DOCK4: variants seen among roughly 807,000 people sequenced by gnomAD.
DOCK4 encodes the protein dedicator of cytokinesis protein 4.
DOCK4 carries 97 observed loss-of-function variants against 268.1 expected under a neutral mutation model. That is an observed-to-expected ratio of 0.36 (90% confidence interval 0.31 to 0.43). The LOEUF (loss-of-function observed/expected upper bound fraction) is 0.43, where lower values mean the gene tolerates loss of function less well. Ranked by LOEUF, DOCK4 falls within the 20% of genes least tolerant of loss-of-function variation. The probability of loss-of-function intolerance (pLI) is 1.00; values close to 1 mark genes in which losing one functional copy is unlikely to be tolerated. For missense variants in DOCK4, 2,145 were observed against 2,455.7 expected, an observed-to-expected ratio of 0.87 and a Z score of 2.67; for synonymous variants, 954 against 887.2, an observed-to-expected ratio of 1.08 and a Z score of -1.34.
intron 1 of DOCK4, among the ~76,000 whole-genome samples, chr7:112,184,963 A>G (rs915359808): frequency 1.3e-5 from 2 of 152,206 alleles, no homozygotes; most frequent in African/African-American, 4.8e-5. Context: ...ATCTCACTTG[A>G]TCATAATAAT....
intron 1 of DOCK4, among the ~76,000 whole-genome samples, chr7:112,197,885 T>C (rs1439454795): frequency 2.0e-5 from 3 of 151,748 alleles, no homozygotes; most frequent in Middle Eastern, 3.2e-3. Context: ...CCTGAATGTT[T>C]TGCAGGTATC....
chr7:111,948,526 A>T (rs1795802957), intron 8 of DOCK4, among the ~76,000 whole-genome samples: 1 of 152,128 alleles, frequency 6.6e-6, no homozygotes, highest in South Asian at 2.1e-4. Flanking sequence ...AAGAGGTGAG[A>T]ATCCTGATTT....
intron 1 of DOCK4, among the ~76,000 whole-genome samples, chr7:112,171,390 T>C: frequency 6.6e-6 from 1 of 151,860 alleles, no homozygotes; most frequent in East Asian, 1.9e-4. Flanking sequence ...TCATTAAATA[T>C]AATCCATGTA....
chr7:111,862,908 GA>G (rs891716247), intron 23 of DOCK4: 36 of 167,174 alleles, frequency 2.2e-4, no homozygotes, highest in Non-Finnish European at 3.5e-4. Context: ...ATTTATTCGG[GA>G]AAAAAAAACA....
At chr7:112,125,060 G>C (rs1813086817) in intron 1 of DOCK4, among the ~76,000 whole-genome samples, 1 of 152,160 alleles carries the variant, frequency 6.6e-6, no homozygotes, top group Non-Finnish European at 1.5e-5. Context: ...AGGCCTCACT[G>C]TGAAAACAAC....
chr7:111,791,736 T>C (rs564216149), intron 30 of DOCK4, among the ~76,000 whole-genome samples: 66 of 152,098 alleles, frequency 4.3e-4, no homozygotes, highest in African/African-American at 1.6e-3. Context: ...GCATGAGCTA[T>C]CGCGCCCAGC....
At chr7:112,102,148 G>A (rs914827120) in intron 1 of DOCK4, among the ~76,000 whole-genome samples, 4 of 152,048 alleles carry the variant, frequency 2.6e-5, no homozygotes, top group Admixed American at 2.6e-4. Flanking sequence ...TTGCTATAAC[G>A]CTCCTTCTGT....
chr7:111,900,522 G>GT lies in DOCK4; in HGVS notation c.1331_1332insA (p.Phe444LeufsTer10). ...CACTGGCTGGTGGCTCCCCAGAGCC[G>GT]AAGGAGATAAAATCCTAACAAAGGG... On this transcript the variant is annotated frameshift_variant, in exon 15 of 53. Transcript: ENST00000428084. LOFTEE classifies it high-confidence loss of function. 1 of 1,610,574 alleles carries GT rather than the reference G, an allele frequency of 6.2e-7. No individual in the cohort carries two copies. Among genetic ancestry groups the GT allele is most frequent in the Non-Finnish European group, 8.5e-7 (1 of 1,178,468 alleles).
At chr7:112,013,072 T>C (rs567674805) in intron 1 of DOCK4, among the ~76,000 whole-genome samples, 106 of 152,352 alleles carry the variant, frequency 7.0e-4, no homozygotes, top group African/African-American at 2.5e-3. Flanking sequence ...GCCCAGCTTA[T>C]TTTTGCAGCC....
intron 4 of DOCK4, among the ~76,000 whole-genome samples, chr7:111,995,386 T>C (rs1799856122): frequency 1.3e-5 from 2 of 151,172 alleles, no homozygotes; most frequent in South Asian, 4.2e-4. Flanking sequence ...AATCTTCATC[T>C]CCAGTTTCTT....
At chr7:111,791,087 TATATATATATATAA>T (rs1799501715) in intron 30 of DOCK4, among the ~76,000 whole-genome samples, 6 of 140,288 alleles carry the variant, frequency 4.3e-5, no homozygotes, top group South Asian at 4.3e-4. Context: ...TATATATATA[TATATATATATATAA>T]AATAAATCAT....
At position 111,739,119 on chromosome 7, in the gene DOCK4, C is replaced by T. The variant is rs200275495; in HGVS notation, c.5232+15G>A. Reference sequence around the variant, plus strand: ...TTGTCCTTGTTTTCTAGTTTCTCTACCCTACAAGGAGTACCTGCGAAGGCT... The same window carrying T: ...TTGTCCTTGTTTTCTAGTTTCTCTATCCTACAAGGAGTACCTGCGAAGGCT... On this transcript the variant is annotated intron_variant, in intron 49 of 52. Coordinates refer to ENST00000428084, the MANE Select transcript of DOCK4 (RefSeq NM_001363540.2). 8.2e-4 allele frequency: 1,302 copies of T among 1,597,136 alleles called. 9 individuals are homozygous for T. The highest frequency in any genetic ancestry group is 4.0e-3 in the African/African-American group (297 of 74,574).
At chr7:112,027,161 C>T (rs1802871130) in intron 1 of DOCK4, among the ~76,000 whole-genome samples, 1 of 152,094 alleles carries the variant, frequency 6.6e-6, no homozygotes. Context: ...GCCTCTAGGA[C>T]CAGAAAAAGG....
At chr7:112,049,311 G>A (rs555269129) in intron 1 of DOCK4, among the ~76,000 whole-genome samples, 3 of 152,200 alleles carry the variant, frequency 2.0e-5, no homozygotes, top group African/African-American at 7.2e-5. Context: ...GTGAAATGGT[G>A]TAATATCACT....
Position 111,948,897 on chromosome 7 carries a change from G to A in DOCK4, c.702-3099C>T, listed in dbSNP as rs1433583024. Among the ~76,000 whole-genome samples the A allele has an allele frequency of 1.3e-4, 19 of 143,894 alleles. No individual in the cohort carries two copies. In the East Asian group the frequency reaches 3.0e-3, roughly 23 times the overall value. The allele number at this position is 143,894 out of a possible 152,430, so 94.4% of individuals were successfully genotyped here. ...CGCCCAGCCAGTAGTTTTCTTTAAC[G>A]AAACATGCTTAGAAAAAAAAAAAAA... On this transcript the variant is annotated intron_variant, in intron 8 of 52. Transcript: ENST00000428084.
chr7:111,997,855 T>C (rs984641232), intron 4 of DOCK4, among the ~76,000 whole-genome samples: 7 of 152,178 alleles, frequency 4.6e-5, no homozygotes. Flanking sequence ...CTGTACCTTA[T>C]TGGAATTATG....
Position 112,037,230 on chromosome 7 carries a change from C to T in DOCK4, c.38-33099G>A, listed in dbSNP as rs535680111. ...TAGGTCAATGTAAGTTTTCTGAGCA[C>T]GTTTAAGGCAGGCTAGGCTAAGATA... On this transcript the variant is annotated intron_variant, in intron 1 of 52. Transcript: ENST00000428084. Among the ~76,000 whole-genome samples, 27 of 152,184 alleles carry T rather than the reference C, an allele frequency of 1.8e-4. No homozygotes were observed. The East Asian group carries it at 2.9e-3, about 16-fold the overall frequency.
chr7:111,977,171 A>G lies in DOCK4; in HGVS notation c.662T>C (p.Ile221Thr), dbSNP rs764413907. The G allele has an allele frequency of 2.5e-6, 4 of 1,612,938 alleles. No homozygotes were observed. The highest frequency in any genetic ancestry group is 1.1e-5 in the South Asian group (1 of 90,666). ...CTCTTTACTGTCAAAGAGTGAGAAG[A>G]TGACCTCCAGCTCCTCTCCCAGGTT... Reference protein sequence around the residue: ...CSNLGEELEVIFSLFDSKENR... With the variant: ...CSNLGEELEVTFSLFDSKENR... The change falls in exon 8 of 53, where the codon ATC becomes ACC. Residue 221 changes from isoleucine (I) to threonine (T), a missense_variant. Transcript: ENST00000428084.
chr7:111,868,220 C>A (rs934837721), intron 21 of DOCK4, 66 bp from the exon 22 acceptor site: 7 of 1,270,220 alleles, frequency 5.5e-6, no homozygotes, highest in Non-Finnish European at 7.5e-6. Flanking sequence ...AGCAATGACA[C>A]GGCATAAAAA....
Sources: gnomAD v4.1 joint callset for allele counts (sites outside exome capture counted in the v4.1 genomes callset) on GRCh38, gnomAD v4.1.1 for gene constraint, MANE v1.5 for transcripts, NCBI Gene and HGNC (gene_info 2026-07-23, HGNC 2026-07-21) for gene names.